ARHGAP6: variants seen among roughly 807,000 people sequenced by gnomAD.
ARHGAP6 encodes Rho GTPase activating protein 6.
Under a neutral mutation model 55.7 loss-of-function variants are expected in ARHGAP6, and 16 were observed. The ratio of observed to expected loss-of-function variants is 0.29; its 90% CI spans 0.19 to 0.44. The LOEUF (loss-of-function observed/expected upper bound fraction) is 0.44. ARHGAP6 is among the 20% of genes least tolerant of loss of function. The pLI, the probability that ARHGAP6 is intolerant of heterozygous loss-of-function variation, is 1.00. For synonymous variants in ARHGAP6, 382 were observed against 360.9 expected, an observed-to-expected ratio of 1.06 and a Z score of -0.66; for missense variants, 698 against 808.9, an observed-to-expected ratio of 0.86 and a Z score of 1.66.
intron 1 of ARHGAP6, among the ~76,000 whole-genome samples, chrX:11,328,028 G>A (rs1346189578): frequency 8.9e-6 from 1 of 112,136 alleles, no homozygotes; most frequent in African/African-American, 3.2e-5. Flanking sequence ...TCTCTGACAT[G>A]CATTAATATG....
chrX:11,463,360 AC>A (rs2050263631), intron 1 of ARHGAP6, among the ~76,000 whole-genome samples: 1 of 111,866 alleles, frequency 8.9e-6, no homozygotes, highest in Non-Finnish European at 1.9e-5. Flanking sequence ...GTTTGTTGAT[AC>A]AGGGTCTCAC....
At chrX:11,544,868 G>C (rs2051196707) in intron 1 of ARHGAP6, among the ~76,000 whole-genome samples, 1 of 112,454 alleles carries the variant, frequency 8.9e-6, no homozygotes, top group Non-Finnish European at 1.9e-5. Context: ...TCTTCTAATA[G>C]GGCCAACGCT....
intron 1 of ARHGAP6, among the ~76,000 whole-genome samples, chrX:11,578,904 C>T (rs1046150857): frequency 1.7e-4 from 19 of 110,037 alleles, no homozygotes; most frequent in African/African-American, 6.3e-4. Flanking sequence ...GCTGGAAACC[C>T]TAATTCTGAG....
chrX:11,516,076 A>C (rs1279351140), intron 1 of ARHGAP6, among the ~76,000 whole-genome samples: 4 of 112,062 alleles, frequency 3.6e-5, no homozygotes, highest in East Asian at 2.8e-4. Flanking sequence ...TTCTGGGGGA[A>C]CTCTCTCTGC....
intron 3 of ARHGAP6, among the ~76,000 whole-genome samples, 182 bp downstream of exon 3, chrX:11,196,743 A>G: frequency 8.9e-6 from 1 of 112,175 alleles, no homozygotes; most frequent in Non-Finnish European, 1.9e-5. Context: ...TCATCAGTTC[A>G]GTACAGGGCT....
chrX:11,354,813 C>G (rs911978104), intron 1 of ARHGAP6, among the ~76,000 whole-genome samples: 2 of 111,445 alleles, frequency 1.8e-5, no homozygotes, highest in African/African-American at 6.5e-5. Context: ...CTGGTCCCAT[C>G]TTGTTTAACA....
At chrX:11,207,198 T>G (rs1350073989) in intron 2 of ARHGAP6, among the ~76,000 whole-genome samples, 1 of 97,124 alleles carries the variant, frequency 1.0e-5, no homozygotes, top group Admixed American at 1.1e-4. Flanking sequence ...TTTTTCTTCT[T>G]CTTTTTTTTT....
chrX:11,208,007 G>T (rs1234532536), intron 2 of ARHGAP6, among the ~76,000 whole-genome samples: 1 of 111,977 alleles, frequency 8.9e-6, no homozygotes, highest in East Asian at 2.8e-4. Context: ...CGATACATTA[G>T]AAAGGGGCTT....
chrX:11,421,657 T>C (rs1406221216), intron 1 of ARHGAP6, among the ~76,000 whole-genome samples: 3 of 111,745 alleles, frequency 2.7e-5, no homozygotes, highest in Admixed American at 9.5e-5. Flanking sequence ...AGGTGAAGTA[T>C]TGTATTGCAC....
intron 1 of ARHGAP6, among the ~76,000 whole-genome samples, chrX:11,472,570 G>A (rs754322191): frequency 9.5e-4 from 106 of 111,644 alleles, no homozygotes; most frequent in Non-Finnish European, 1.6e-3. Flanking sequence ...GAGTGACTGA[G>A]GTGTGATGAC....
At chrX:11,436,588 A>G (rs2049989086) in intron 1 of ARHGAP6, among the ~76,000 whole-genome samples, 1 of 112,213 alleles carries the variant, frequency 8.9e-6, no homozygotes, top group Non-Finnish European at 1.9e-5. Context: ...TTGTATACAT[A>G]TGTTTATGGT....
At chrX:11,570,888 G>A (rs1410594496) in intron 1 of ARHGAP6, among the ~76,000 whole-genome samples, 2 of 111,476 alleles carry the variant, frequency 1.8e-5, no homozygotes, top group African/African-American at 6.5e-5. Context: ...TGGAGAAATG[G>A]TTAAATCATG....
chrX:11,524,137 C>T (rs149982688), intron 1 of ARHGAP6, among the ~76,000 whole-genome samples: 1,498 of 111,751 alleles, frequency 0.013, 25 homozygotes, highest in African/African-American at 0.046. Flanking sequence ...GATGTAGTTG[C>T]ACATTAGGGC....
At chrX:11,368,642 T>A (rs898319268) in intron 1 of ARHGAP6, among the ~76,000 whole-genome samples, 37 of 111,978 alleles carry the variant, frequency 3.3e-4, no homozygotes, top group Admixed American at 9.5e-5. Context: ...TGCTTGCAAT[T>A]TATGACTTCC....
chrX:11,203,799 C>T (rs1340791552), intron 2 of ARHGAP6, among the ~76,000 whole-genome samples: 4 of 111,740 alleles, frequency 3.6e-5, no homozygotes, highest in Non-Finnish European at 5.6e-5. Context: ...TAGACCCTCA[C>T]TCCTACATAC....
chrX:11,634,882 T>C (rs1322593891), intron 1 of ARHGAP6, among the ~76,000 whole-genome samples: 1 of 112,082 alleles, frequency 8.9e-6, no homozygotes, highest in Non-Finnish European at 1.9e-5. Flanking sequence ...CTGCTCAGAC[T>C]TTCACAAAGC....
chrX:11,594,356 T>A (rs1315939139), intron 1 of ARHGAP6, among the ~76,000 whole-genome samples: 1 of 112,281 alleles, frequency 8.9e-6, no homozygotes, highest in East Asian at 2.8e-4. Context: ...CATTATATAA[T>A]AAATGCTATT....
chrX:11,205,879 T>C (rs1023048829), intron 2 of ARHGAP6, among the ~76,000 whole-genome samples: 1 of 112,270 alleles, frequency 8.9e-6, no homozygotes, highest in Non-Finnish European at 1.9e-5. Flanking sequence ...TTTTTGAGTT[T>C]AGAAAAGAGA....
chrX:11,335,375 C>G (rs917166543), intron 1 of ARHGAP6, among the ~76,000 whole-genome samples: 1 of 111,288 alleles, frequency 9.0e-6, no homozygotes, highest in African/African-American at 3.3e-5. Context: ...TCCCCTAGCC[C>G]CCAACCCCGT....
Sources: allele counts gnomAD v4.1 joint callset (sites outside exome capture counted in the v4.1 genomes callset), GRCh38; gene constraint gnomAD v4.1.1; transcripts MANE v1.5; gene names NCBI Gene and HGNC (gene_info 2026-07-23, HGNC 2026-07-21).